Variants in CDH18 observed in about 807,000 individuals in gnomAD.
The protein encoded by CDH18 is cadherin 18.
In CDH18, 31 loss-of-function variants were observed where a neutral mutation model predicts 67.9. The ratio of observed to expected loss-of-function variants is 0.46; its 90% confidence interval spans 0.34 to 0.62. The LOEUF is 0.62. Among genes scored for constraint, CDH18 ranks in the 20% least tolerant of loss-of-function variants. The pLI, the probability that CDH18 is intolerant of heterozygous loss-of-function variation, is 0.01. For synonymous variants in CDH18, 362 were observed against 347.2 expected (o/e 1.04, Z -0.48); for missense variants, 890 against 975.5 (o/e 0.91, Z 1.17).
At position 19,473,220 on chromosome 5, in the gene CDH18, G is replaced by A. The variant is rs1737828438; in HGVS notation, c.*6C>T. 2 of 1,610,512 alleles carry A rather than the reference G, an allele frequency of 1.2e-6. No homozygotes were observed. The highest frequency in any genetic ancestry group is 1.7e-6 in the Non-Finnish European group (2 of 1,177,720). On this transcript the variant is annotated 3_prime_UTR_variant, in exon 13 of 13. Coordinates refer to ENST00000382275, the MANE Select transcript of CDH18 (RefSeq NM_004934.5). Reference sequence around the variant, plus strand: ...CAAATTCCACAAGGTTGCAAGAACTGACCCCCTAAGTTGTTCTTTCAGATT... The same window carrying A: ...CAAATTCCACAAGGTTGCAAGAACTAACCCCCTAAGTTGTTCTTTCAGATT...
rs758320782 is a variant in CDH18 at position 20,313,701 on chromosome 5, GCA to G, written c.-579-58198_-579-58197del. Among the ~76,000 whole-genome samples the G allele has an allele frequency of 2.4e-4, 36 of 151,966 alleles. 1 individual carries two copies. Among genetic ancestry groups the G allele is most frequent in the Non-Finnish European group, 4.4e-5 (3 of 67,932 alleles). ...TTTTAGAGATGAAATGAGGGATAGT[GCA>G]CAGTTAGAACATGGCTTGATATTCT... On this transcript the variant is annotated intron_variant, in intron 1 of 14. Transcript: ENST00000507958.
intron 2 of CDH18, among the ~76,000 whole-genome samples, chr5:20,183,033 T>C (rs1508582): frequency 0.66 from 99,578 of 151,760 alleles, 32,768 homozygotes; most frequent in Middle Eastern, 0.75. Context: ...TCCCTCTGGG[T>C]CCTCAGTTTG....
intron 2 of CDH18, among the ~76,000 whole-genome samples, chr5:20,143,611 T>C (rs1220306769): frequency 6.6e-6 from 1 of 152,104 alleles, no homozygotes; most frequent in African/African-American, 2.4e-5. Flanking sequence ...TCAAGAGATA[T>C]TTCTGTCTTG....
intron 2 of CDH18, among the ~76,000 whole-genome samples, chr5:20,016,960 A>G (rs7735739): frequency 0.058 from 8,802 of 152,182 alleles, 602 homozygotes; most frequent in African/African-American, 0.16. Flanking sequence ...TTAGTTTTCA[A>G]TTTCTCATGG....
At chr5:19,935,181 G>A (rs1331859500) in intron 2 of CDH18, among the ~76,000 whole-genome samples, 1 of 151,158 alleles carries the variant, frequency 6.6e-6, no homozygotes, top group Non-Finnish European at 1.5e-5. Flanking sequence ...AAATATACCT[G>A]TTCATGACCA....
At chr5:20,149,096 CA>C (rs1331511437) in intron 2 of CDH18, among the ~76,000 whole-genome samples, 1 of 152,136 alleles carries the variant, frequency 6.6e-6, no homozygotes, top group Admixed American at 6.6e-5. Context: ...CTCTTCTTCT[CA>C]AAGGATTCCC....
At chr5:19,901,006 C>T (rs779652159) in intron 2 of CDH18, among the ~76,000 whole-genome samples, 9 of 152,014 alleles carry the variant, frequency 5.9e-5, no homozygotes, top group East Asian at 1.9e-4. Flanking sequence ...TTGTGCCCTG[C>T]GAAATCTATT....
At chr5:20,156,759 C>T (rs1343416017) in intron 2 of CDH18, among the ~76,000 whole-genome samples, 1 of 152,206 alleles carries the variant, frequency 6.6e-6, no homozygotes, top group Non-Finnish European at 1.5e-5. Context: ...ACCAGACCTA[C>T]TCTACCTTTC....
chr5:20,433,747 A>G (rs923279961), intron 1 of CDH18, among the ~76,000 whole-genome samples: 1 of 152,062 alleles, frequency 6.6e-6, no homozygotes, highest in Non-Finnish European at 1.5e-5. Context: ...AAAATTGACA[A>G]GTCTAAATGA....
intron 2 of CDH18, among the ~76,000 whole-genome samples, chr5:19,886,982 T>C (rs904054303): frequency 6.6e-6 from 1 of 152,096 alleles, no homozygotes; most frequent in Non-Finnish European, 1.5e-5. Flanking sequence ...AATATTTATT[T>C]ATGCATACTG....
At chr5:20,467,280 C>T (rs1271955434) in intron 1 of CDH18, among the ~76,000 whole-genome samples, 2 of 151,736 alleles carry the variant, frequency 1.3e-5, no homozygotes, top group Admixed American at 6.6e-5. Context: ...TTTATAATGT[C>T]ATTAATTTTA....
At chr5:19,954,878 G>A (rs73061510) in intron 2 of CDH18, among the ~76,000 whole-genome samples, 2,640 of 151,916 alleles carry the variant, frequency 0.017, 80 homozygotes, top group African/African-American at 0.061. Flanking sequence ...TATTGGGACT[G>A]AAGATACGAC....
intron 2 of CDH18, among the ~76,000 whole-genome samples, chr5:20,253,199 G>A (rs1743991956): frequency 6.6e-6 from 1 of 152,054 alleles, no homozygotes; most frequent in African/African-American, 2.4e-5. Context: ...GAATTCACTG[G>A]CACATAAAGA....
At chr5:20,249,110 C>T (rs904218066) in intron 2 of CDH18, among the ~76,000 whole-genome samples, 2 of 152,058 alleles carry the variant, frequency 1.3e-5, no homozygotes, top group African/African-American at 4.8e-5. Flanking sequence ...CTAATATCAA[C>T]TGTACAAAAA....
Position 19,490,626 on chromosome 5 carries a change from G to T in CDH18, c.1631-7074C>A, listed in dbSNP as rs574405093. 6.6e-5 allele frequency among the ~76,000 whole-genome samples: 10 copies of T among 151,846 alleles called. 1 individual carries two copies. The South Asian group carries it at 2.1e-3, about 32-fold the overall frequency. On this transcript the variant is annotated intron_variant, in intron 11 of 12. Transcript: ENST00000382275. ...GACAGGGTTTCACCATGTTGGCCAG[G>T]ATGATCTCAATCTCTGGACCTCATG...
chr5:20,102,465 T>C (rs1315973270), intron 2 of CDH18, among the ~76,000 whole-genome samples: 1 of 152,114 alleles, frequency 6.6e-6, no homozygotes, highest in Non-Finnish European at 1.5e-5. Flanking sequence ...AAAGGAAATG[T>C]AACATGTGCT....
At chr5:19,793,704 A>G (rs1327796688) in intron 3 of CDH18, among the ~76,000 whole-genome samples, 2 of 152,124 alleles carry the variant, frequency 1.3e-5, no homozygotes. Flanking sequence ...GCCTTTGGAA[A>G]GATAGACAAT....
At chr5:20,048,454 C>T (rs1741101792) in intron 2 of CDH18, among the ~76,000 whole-genome samples, 1 of 151,708 alleles carries the variant, frequency 6.6e-6, no homozygotes, top group South Asian at 2.1e-4. Flanking sequence ...TACATCTCTA[C>T]CTTTTCATTA....
At chr5:19,923,389 A>G (rs2150175505) in intron 2 of CDH18, among the ~76,000 whole-genome samples, 1 of 152,322 alleles carries the variant, frequency 6.6e-6, no homozygotes, top group East Asian at 1.9e-4. Context: ...TAAGCATAAA[A>G]ATAAAAGTTG....
Sources: allele counts gnomAD v4.1 joint callset (sites outside exome capture counted in the v4.1 genomes callset), GRCh38; gene constraint gnomAD v4.1.1; transcripts MANE v1.5; gene names NCBI Gene and HGNC (gene_info 2026-07-23, HGNC 2026-07-21).